TNIP2: variants seen among roughly 807,000 people sequenced by gnomAD.
TNIP2 encodes TNFAIP3 interacting protein 2.
Under a neutral mutation model 43.7 loss-of-function variants are expected in TNIP2, and 30 were observed. The observed-to-expected ratio is 0.69, with a 90% CI of 0.51 to 0.93. The LOEUF (loss-of-function observed/expected upper bound fraction) is 0.93, where lower values mean the gene tolerates loss of function less well. TNIP2 is among the 40% of genes least tolerant of loss of function. The pLI is 0.00. For missense variants in TNIP2, 599 were observed against 591.0 expected (o/e 1.01, Z -0.14); for synonymous variants, 260 against 254.6 (o/e 1.02, Z -0.20).
At position 2,742,233 on chromosome 4, in the gene TNIP2, C is replaced by T. The variant is rs1236478254; in HGVS notation, c.*24G>A. 5 of 1,445,362 alleles carry T rather than the reference C, an allele frequency of 3.5e-6. No homozygotes were observed. The East Asian group carries it at 7.7e-5, about 22-fold the overall frequency. The allele number at this position is 1,445,362 out of a possible 1,614,324, so 89.5% of individuals were successfully genotyped here. A position where few individuals can be genotyped will look rare whatever the true frequency, so the allele number is the denominator to read the frequency against. Reference sequence around the variant, plus strand: ...GGGCAGCTGCACCGGGCCAGGAGGCCGCAAGGGCACGGGTGAGTCTCGGTC... The same window carrying T: ...GGGCAGCTGCACCGGGCCAGGAGGCTGCAAGGGCACGGGTGAGTCTCGGTC... On this transcript the variant is annotated 3_prime_UTR_variant, in exon 6 of 6. Transcript: ENST00000315423.
rs1371891118 is a variant in TNIP2, at chr4:2,747,953, G to A, written c.277-8C>T. The A allele has an allele frequency of 1.2e-6, 2 of 1,608,316 alleles. No individual in the cohort carries two copies. Among genetic ancestry groups the A allele is most frequent in the East Asian group, 4.5e-5 (2 of 44,848 alleles). On this transcript the variant is annotated splice_polypyrimidine_tract_variant and splice_region_variant and intron_variant, in intron 1 of 5. Coordinates refer to ENST00000315423, the MANE Select transcript of TNIP2 (RefSeq NM_024309.4). ...AGTCAGCCTCTCAATTTCCTAAGTG[G>A]AAGATTTAAAAGCACAGTTTACTGA...
chr4:2,744,676 C>G lies in TNIP2; in HGVS notation c.906+21G>C. 4 of 1,594,792 alleles carry G rather than the reference C, an allele frequency of 2.5e-6. No individual in the cohort carries two copies. Among genetic ancestry groups the G allele is most frequent in the Non-Finnish European group, 3.4e-6 (4 of 1,175,354 alleles). On this transcript the variant is annotated intron_variant, in intron 4 of 5. Coordinates refer to ENST00000315423, the MANE Select transcript of TNIP2 (RefSeq NM_024309.4). The surrounding 1 kb of genome is among the most constrained non-coding windows in gnomAD (Gnocchi z 5.1). ...CAGCAGACATCTGGTCAGTGCCGTC[C>G]GGAGCCCGAGGGACAGACACCTGCT...
At chr4:2,752,224 T>TA (rs1387312879) in intron 1 of TNIP2, among the ~76,000 whole-genome samples, 1 of 152,122 alleles carries the variant, frequency 6.6e-6, no homozygotes, top group East Asian at 1.9e-4. Flanking sequence ...AGGGGGCTGA[T>TA]ACGCCAGGAC....
intron 1 of TNIP2, among the ~76,000 whole-genome samples, chr4:2,750,898 T>C (rs1162185145): frequency 6.6e-6 from 1 of 152,146 alleles, no homozygotes; most frequent in Admixed American, 6.5e-5. Context: ...TCGTAGATCC[T>C]GAGGGCGTGG....
rs116129895 is a variant in TNIP2, at chr4:2,744,856, C to G, written c.747G>C (p.Gln249His). The G allele has an allele frequency of 5.0e-6, 8 of 1,613,902 alleles. No homozygotes were observed. Among genetic ancestry groups the G allele is most frequent in the African/African-American group, 1.3e-5 (1 of 74,950 alleles). ...RGLHAQLRGL[Q>H]IPHEPELMRK... is the part of the protein sequence containing the mutation. ...TCATCAGCTCGGGCTCGTGGGGGAT[C>G]TGCAGCCCCCTGAGCTGCGCATGGA... The change falls in exon 4 of 6, where the codon CAG becomes CAC. Residue 249 changes from glutamine (Q) to histidine (H), a missense_variant. Gln to His is a conservative substitution (Grantham distance 24). Coordinates refer to ENST00000315423, the MANE Select transcript of TNIP2 (RefSeq NM_024309.4). The surrounding 1 kb of genome is among the most constrained non-coding windows in gnomAD (Gnocchi z 5.1).
At chr4:2,750,457 C>T (rs140964486) in intron 1 of TNIP2, among the ~76,000 whole-genome samples, 2 of 151,354 alleles carry the variant, frequency 1.3e-5, no homozygotes, top group South Asian at 2.1e-4. Flanking sequence ...GACAGGGTCT[C>T]GCCCTGACAC....
At position 2,756,117 on chromosome 4, in the gene TNIP2, T is replaced by C; in HGVS notation, c.173A>G (p.Asp58Gly). Reference protein sequence around the residue: ...LRARLAALEGDAAPSLVDALL... With the variant: ...LRARLAALEGGAAPSLVDALL... ...CGCGTCCACTAGGGACGGCGCGGCG[T>C]CCCCCTCCAGCGCGGCCAGGCGGGC... Residue 58 changes from aspartate to glycine, a missense_variant, in exon 1 of 6, where the codon GAC becomes GGC. By Grantham distance (94) the Asp-to-Gly change is moderately conservative. Transcript: ENST00000315423. 6.8e-7 allele frequency: 1 copy of C among 1,480,582 alleles called. No homozygotes were observed. The highest frequency in any genetic ancestry group is 8.9e-7 in the Non-Finnish European group (1 of 1,124,664). 91.7% of individuals were successfully genotyped at this position (1,480,582 alleles called of 1,614,324 possible).
intron 1 of TNIP2, among the ~76,000 whole-genome samples, chr4:2,750,764 G>C (rs1366356270): frequency 6.6e-6 from 1 of 151,298 alleles, no homozygotes; most frequent in African/African-American, 2.4e-5. Context: ...TCCTCCTCCT[G>C]CCTCAGCAGG....
intron 1 of TNIP2, among the ~76,000 whole-genome samples, chr4:2,752,798 C>T (rs1486856349): frequency 8.5e-5 from 13 of 152,168 alleles, no homozygotes; most frequent in Non-Finnish European, 2.9e-5. Flanking sequence ...AATACCAGCA[C>T]TTTGAGAGGC....
chr4:2,751,244 C>G (rs1722094994), intron 1 of TNIP2, among the ~76,000 whole-genome samples: 1 of 152,202 alleles, frequency 6.6e-6, no homozygotes, highest in African/African-American at 2.4e-5. Flanking sequence ...GGTCAGAAAA[C>G]AAGGTACGAG....
Position 2,744,028 on chromosome 4 carries a change from G to T in TNIP2, c.1026+359C>A, listed in dbSNP as rs1301469409. ...CAGGGCCATCACATCTACATGACAA[G>T]GTAAGCGGGGTTCCCGTCTCACAGA... On this transcript the variant is annotated intron_variant, in intron 5 of 5. Transcript: ENST00000315423. The surrounding 1 kb of genome is among the most constrained non-coding windows in gnomAD (Gnocchi z 5.1). 1.3e-5 allele frequency among the ~76,000 whole-genome samples: 2 copies of T among 152,206 alleles called. No homozygotes were observed. Among genetic ancestry groups the T allele is most frequent in the African/African-American group, 4.8e-5 (2 of 41,448 alleles).
chr4:2,752,140 A>C (rs1034643890), intron 1 of TNIP2, among the ~76,000 whole-genome samples: 4 of 151,882 alleles, frequency 2.6e-5, no homozygotes, highest in Non-Finnish European at 5.9e-5. Flanking sequence ...GAAAGAAAGA[A>C]AAGAAGAGAA....
intron 1 of TNIP2, 98 bp downstream of exon 1, chr4:2,755,916 C>T: frequency 2.2e-6 from 3 of 1,385,338 alleles, no homozygotes; most frequent in South Asian, 3.2e-5. Context: ...CCCCCTCAAC[C>T]CCTCAGGACC....
chr4:2,742,964 G>A (rs1721836410), intron 5 of TNIP2, among the ~76,000 whole-genome samples: 1 of 152,166 alleles, frequency 6.6e-6, no homozygotes, highest in African/African-American at 2.4e-5. Flanking sequence ...GGCTCAGGGG[G>A]TCCTTCAGTA....
At chr4:2,748,874 G>C (rs1408627642) in intron 1 of TNIP2, among the ~76,000 whole-genome samples, 1 of 150,074 alleles carries the variant, frequency 6.7e-6, no homozygotes, top group East Asian at 2.0e-4. Flanking sequence ...GCTCACTGCA[G>C]CCTCGACCTC....
intron 1 of TNIP2, among the ~76,000 whole-genome samples, chr4:2,752,795 G>A (rs1422232707): frequency 6.6e-6 from 1 of 152,176 alleles, no homozygotes; most frequent in Non-Finnish European, 1.5e-5. Context: ...TGTAATACCA[G>A]CACTTTGAGA....
chr4:2,744,674 T>G lies in TNIP2; in HGVS notation c.906+23A>C. The G allele has an allele frequency of 1.3e-6, 2 of 1,594,738 alleles. No individual in the cohort carries two copies. The highest frequency in any genetic ancestry group is 1.7e-6 in the Non-Finnish European group (2 of 1,175,298). On this transcript the variant is annotated intron_variant, in intron 4 of 5. Transcript: ENST00000315423. The surrounding 1 kb of genome is among the most constrained non-coding windows in gnomAD (Gnocchi z 5.1). ...GCCAGCAGACATCTGGTCAGTGCCG[T>G]CCGGAGCCCGAGGGACAGACACCTG... is the stretch of plus-strand genomic sequence containing the variant.
chr4:2,750,191 T>C (rs1017568861), intron 1 of TNIP2, among the ~76,000 whole-genome samples: 1 of 152,016 alleles, frequency 6.6e-6, no homozygotes, highest in Non-Finnish European at 1.5e-5. Context: ...ATGAAGGAGG[T>C]GAAGCAGGCT....
chr4:2,752,798 CT>C, intron 1 of TNIP2, among the ~76,000 whole-genome samples: 1 of 152,286 alleles, frequency 6.6e-6, no homozygotes, highest in South Asian at 2.1e-4. Flanking sequence ...AATACCAGCA[CT>C]TTGAGAGGCC....
Sources: allele counts gnomAD v4.1 joint callset (sites outside exome capture counted in the v4.1 genomes callset), GRCh38; gene constraint gnomAD v4.1.1; non-coding constraint Gnocchi (gnomAD v3.1); transcripts MANE v1.5; gene names NCBI Gene and HGNC (gene_info 2026-07-23, HGNC 2026-07-21).